The following COL25A1 variants were observed in gnomAD, a reference collection of about 807,000 sequenced individuals.
The protein encoded by COL25A1 is collagen alpha-1(XXV) chain.
COL25A1 carries 103 observed loss-of-function variants against 128.4 expected under a neutral mutation model. That is an observed-to-expected ratio of 0.80 (90% CI 0.68 to 0.94). COL25A1 has a LOEUF of 0.94. COL25A1 is among the 40% of genes least tolerant of loss of function. COL25A1 has a pLI of 0.00. For missense variants in COL25A1, 745 were observed against 840.0 expected (o/e 0.89, Z 1.40); for synonymous variants, 279 against 277.2 (o/e 1.01, Z -0.06).
At chr4:109,291,678 A>G (rs974832539) in intron 3 of COL25A1, among the ~76,000 whole-genome samples, 12 of 152,100 alleles carry the variant, frequency 7.9e-5, no homozygotes, top group African/African-American at 2.9e-4. Context: ...GAATATCTAG[A>G]ATTAAAAAAT....
intron 3 of COL25A1, among the ~76,000 whole-genome samples, chr4:109,154,515 T>C (rs1295969983): frequency 2.0e-5 from 3 of 152,166 alleles, no homozygotes; most frequent in Non-Finnish European, 4.4e-5. Context: ...CTGAAAAAGT[T>C]AGGGACTGCA....
At chr4:109,195,577 G>A (rs1775972480) in intron 3 of COL25A1, among the ~76,000 whole-genome samples, 2 of 151,774 alleles carry the variant, frequency 1.3e-5, no homozygotes, top group South Asian at 4.2e-4. Context: ...TGTACAAATG[G>A]GAGAACCAAG....
intron 5 of COL25A1, among the ~76,000 whole-genome samples, chr4:109,030,525 A>G (rs752672): frequency 0.49 from 74,793 of 151,998 alleles, 20,156 homozygotes; most frequent in African/African-American, 0.69. Context: ...GACAAAAGAG[A>G]ATTATATCTG....
intron 5 of COL25A1, among the ~76,000 whole-genome samples, chr4:109,038,002 TACAG>T (rs1366839337): frequency 6.6e-6 from 1 of 152,120 alleles, no homozygotes; most frequent in African/African-American, 2.4e-5. Context: ...AGGAAGGAAT[TACAG>T]AGAGAGGAGA....
At chr4:108,991,153 T>A (rs1030446989) in intron 6 of COL25A1, among the ~76,000 whole-genome samples, 2 of 152,288 alleles carry the variant, frequency 1.3e-5, no homozygotes, top group East Asian at 1.9e-4. Context: ...ATGCAAAACA[T>A]TGTTGGACTA....
intron 3 of COL25A1, among the ~76,000 whole-genome samples, chr4:109,085,556 G>A (rs1234405558): frequency 6.6e-6 from 1 of 152,098 alleles, no homozygotes; most frequent in Non-Finnish European, 1.5e-5. Flanking sequence ...CTGCTCTTAT[G>A]TTAAGTAAGC....
At chr4:108,940,761 C>T (rs975277591) in intron 9 of COL25A1, 115 bp from the exon 10 acceptor site, 8 of 657,410 alleles carry the variant, frequency 1.2e-5, no homozygotes, top group African/African-American at 1.1e-4. Context: ...TGAAAAGAAC[C>T]AGAACAACCA....
At chr4:108,991,452 T>C (rs541705895) in intron 6 of COL25A1, among the ~76,000 whole-genome samples, 15 of 152,324 alleles carry the variant, frequency 9.8e-5, no homozygotes, top group African/African-American at 3.1e-4. Context: ...GTTTTTCATA[T>C]CATATTAACC....
chr4:109,070,179 A>C (rs1285571228), intron 3 of COL25A1, among the ~76,000 whole-genome samples: 1 of 151,658 alleles, frequency 6.6e-6, no homozygotes, highest in Middle Eastern at 3.4e-3. Flanking sequence ...AATGGCATGA[A>C]CCCAAGAGTT....
intron 6 of COL25A1, among the ~76,000 whole-genome samples, chr4:108,986,325 A>C (rs990783607): frequency 1.3e-5 from 2 of 152,206 alleles, no homozygotes; most frequent in African/African-American, 4.8e-5. Flanking sequence ...TCTTCAATAG[A>C]TGTATTTGGT....
At chr4:109,250,106 T>A (rs1185574120) in intron 3 of COL25A1, among the ~76,000 whole-genome samples, 1 of 152,174 alleles carries the variant, frequency 6.6e-6, no homozygotes, top group Non-Finnish European at 1.5e-5. Flanking sequence ...CTAGGCCCCA[T>A]GCTGGTATGA....
chr4:109,125,754 A>C (rs900053378), intron 3 of COL25A1, among the ~76,000 whole-genome samples: 3 of 152,144 alleles, frequency 2.0e-5, no homozygotes, highest in African/African-American at 7.2e-5. Flanking sequence ...CTCCTGTAGG[A>C]AAGAGGTAAC....
chr4:109,241,837 G>C (rs1440558131), intron 3 of COL25A1, among the ~76,000 whole-genome samples: 1 of 152,002 alleles, frequency 6.6e-6, no homozygotes, highest in Non-Finnish European at 1.5e-5. Context: ...CTCACTCCCA[G>C]ACAACTACCT....
chr4:109,253,477 C>A (rs561012750), intron 3 of COL25A1, among the ~76,000 whole-genome samples: 2 of 152,212 alleles, frequency 1.3e-5, no homozygotes, highest in East Asian at 3.9e-4. Flanking sequence ...TCTATTCAGG[C>A]CCACCCACAT....
intron 4 of COL25A1, 73 bp downstream of exon 4, chr4:109,050,061 AT>A (rs1760836953): frequency 8.2e-7 from 1 of 1,219,340 alleles, no homozygotes; most frequent in South Asian, 1.4e-5. Flanking sequence ...CAATATTATC[AT>A]TAATTAGGAA....
intron 8 of COL25A1, among the ~76,000 whole-genome samples, chr4:108,968,230 T>C (rs1578924947): frequency 6.6e-6 from 1 of 152,206 alleles, no homozygotes; most frequent in South Asian, 2.1e-4. Context: ...CAATGTATAC[T>C]GAAAGAAAGT....
chr4:109,085,551 C>A (rs1400235344), intron 3 of COL25A1, among the ~76,000 whole-genome samples: 1 of 152,140 alleles, frequency 6.6e-6, no homozygotes, highest in East Asian at 1.9e-4. Context: ...ACATACTGCT[C>A]TTATGTTAAG....
intron 3 of COL25A1, among the ~76,000 whole-genome samples, chr4:109,228,549 G>A (rs377394673): frequency 2.6e-5 from 4 of 152,108 alleles, no homozygotes; most frequent in African/African-American, 9.6e-5. Context: ...TAGATGTTAC[G>A]GATTTTAAAT....
intron 3 of COL25A1, among the ~76,000 whole-genome samples, chr4:109,232,988 G>T (rs1488639582): frequency 6.6e-6 from 1 of 152,200 alleles, no homozygotes; most frequent in East Asian, 1.9e-4. Context: ...GCTATCTTCA[G>T]TGGAAAAGAG....
Sources: allele counts gnomAD v4.1 joint callset (sites outside exome capture counted in the v4.1 genomes callset), GRCh38; gene constraint gnomAD v4.1.1; transcripts MANE v1.5; gene names NCBI Gene and HGNC (gene_info 2026-07-23, HGNC 2026-07-21).